PARM1: variants seen among roughly 807,000 people sequenced by gnomAD.
PARM1 encodes the protein WSC4, cell wall integrity and stress response component 4 homolog.
Under a neutral mutation model 24.6 loss-of-function variants are expected in PARM1, and 14 were observed. The observed-to-expected ratio is 0.57, with a 90% CI of 0.38 to 0.89. The LOEUF is 0.89. Among genes scored for constraint, PARM1 ranks in the 40% least tolerant of loss-of-function variants. The probability of loss-of-function intolerance (pLI) is 0.00; values close to 1 mark genes in which losing one functional copy is unlikely to be tolerated. For synonymous variants in PARM1, 179 were observed against 156.6 expected, an observed-to-expected ratio of 1.14 and a Z score of -1.07; for missense variants, 362 against 380.4, an observed-to-expected ratio of 0.95 and a Z score of 0.40.
At chr4:75,037,905 CA>C (rs1433482669) in intron 3 of PARM1, among the ~76,000 whole-genome samples, 1 of 152,182 alleles carries the variant, frequency 6.6e-6, no homozygotes, top group Non-Finnish European at 1.5e-5. Flanking sequence ...TGACTAAGAA[CA>C]TGCACTCTGG....
chr4:75,021,008 A>G (rs1723080288), intron 2 of PARM1, among the ~76,000 whole-genome samples: 1 of 152,116 alleles, frequency 6.6e-6, no homozygotes, highest in Admixed American at 6.5e-5. Context: ...CATTGTCTTC[A>G]CTGCTTTTAA....
At chr4:74,956,280 C>G (rs1721631901) in intron 1 of PARM1, 1 of 152,198 alleles carries the variant, frequency 6.6e-6, no homozygotes, top group Admixed American at 6.5e-5. Flanking sequence ...CCACAGCTGT[C>G]TCTGCAGTGT....
chr4:75,036,190 G>A (rs1464700638), intron 3 of PARM1, among the ~76,000 whole-genome samples: 1 of 152,206 alleles, frequency 6.6e-6, no homozygotes, highest in African/African-American at 2.4e-5. Flanking sequence ...GAAGTGTGGA[G>A]TGAAATAGAA....
chr4:74,935,602 T>C (rs1355940752), intron 1 of PARM1, among the ~76,000 whole-genome samples: 1 of 152,208 alleles, frequency 6.6e-6, no homozygotes, highest in Non-Finnish European at 1.5e-5. Context: ...TTCTGTTTCC[T>C]TCTCATTTTC....
At chr4:75,017,628 C>T (rs1723012252) in intron 2 of PARM1, among the ~76,000 whole-genome samples, 1 of 152,146 alleles carries the variant, frequency 6.6e-6, no homozygotes, top group African/African-American at 2.4e-5. Flanking sequence ...CTGACATCAT[C>T]TGATTTATTT....
At chr4:75,001,593 C>G (rs533069104) in intron 1 of PARM1, among the ~76,000 whole-genome samples, 1 of 152,056 alleles carries the variant, frequency 6.6e-6, no homozygotes, top group Non-Finnish European at 1.5e-5. Flanking sequence ...ACAATTAAGA[C>G]GTGTGCATTT....
At chr4:74,964,081 A>G (rs1255816760) in intron 1 of PARM1, among the ~76,000 whole-genome samples, 1 of 152,190 alleles carries the variant, frequency 6.6e-6, no homozygotes, top group Non-Finnish European at 1.5e-5. Flanking sequence ...TTGAGTGGAC[A>G]CTGAAAGTTT....
At chr4:74,988,759 A>G (rs939552862) in intron 1 of PARM1, among the ~76,000 whole-genome samples, 2 of 152,242 alleles carry the variant, frequency 1.3e-5, no homozygotes, top group Non-Finnish European at 1.5e-5. Flanking sequence ...AGGAGTTGGC[A>G]TGCTAGAGTT....
chr4:74,947,981 G>A (rs1721441148), intron 1 of PARM1, among the ~76,000 whole-genome samples: 1 of 152,172 alleles, frequency 6.6e-6, no homozygotes, highest in African/African-American at 2.4e-5. Flanking sequence ...ACTCTTGTTT[G>A]GAAAGTCTTC....
intron 3 of PARM1, among the ~76,000 whole-genome samples, chr4:75,034,458 A>G (rs1560799178): frequency 6.6e-6 from 1 of 152,246 alleles, no homozygotes; most frequent in Non-Finnish European, 1.5e-5. Flanking sequence ...GGCATTTCCT[A>G]TAAAACCGTT....
intron 1 of PARM1, among the ~76,000 whole-genome samples, chr4:74,995,737 G>A (rs1019650644): frequency 6.6e-6 from 1 of 152,128 alleles, no homozygotes; most frequent in Non-Finnish European, 1.5e-5. Flanking sequence ...CCAGAACAGT[G>A]TCCTCTCCGC....
chr4:75,042,849 G>C (rs1723523995), intron 3 of PARM1, among the ~76,000 whole-genome samples: 1 of 151,566 alleles, frequency 6.6e-6, no homozygotes, highest in Non-Finnish European at 1.5e-5. Flanking sequence ...AAGCCCTATG[G>C]GTTCAGTACA....
At chr4:74,976,953 G>T (rs944742089) in intron 1 of PARM1, among the ~76,000 whole-genome samples, 1 of 152,132 alleles carries the variant, frequency 6.6e-6, no homozygotes, top group Non-Finnish European at 1.5e-5. Context: ...CCTATCCAAA[G>T]GTCATCAGCC....
chr4:74,963,255 T>C (rs1468297074), intron 1 of PARM1, among the ~76,000 whole-genome samples: 2 of 152,238 alleles, frequency 1.3e-5, no homozygotes, highest in Admixed American at 6.5e-5. Context: ...AATTTTATCT[T>C]ACATGGATTT....
Position 75,006,055 on chromosome 4 carries a change from T to C in PARM1, c.44-6370T>C, listed in dbSNP as rs959321023. ...TAATGGGTTCAGTTTCTTCATCATA[T>C]CTTCTCAAGGAAATACTAATACTAA... On this transcript the variant is annotated intron_variant, in intron 1 of 3. Coordinates refer to ENST00000307428, the MANE Select transcript of PARM1 (RefSeq NM_015393.4). Among the ~76,000 whole-genome samples, 6 of 152,218 alleles carry C rather than the reference T, an allele frequency of 3.9e-5. No homozygotes were observed. The South Asian group carries it at 8.3e-4, about 21-fold the overall frequency.
intron 1 of PARM1, among the ~76,000 whole-genome samples, chr4:75,008,180 CA>C (rs1722808284): frequency 6.6e-6 from 1 of 152,182 alleles, no homozygotes; most frequent in Non-Finnish European, 1.5e-5. Context: ...TCTAAAGCCT[CA>C]TTCAAATGAA....
intron 1 of PARM1, among the ~76,000 whole-genome samples, chr4:74,991,856 A>T (rs1722479520): frequency 1.3e-5 from 2 of 152,292 alleles, no homozygotes; most frequent in South Asian, 4.1e-4. Context: ...AAAGTTCAAG[A>T]ACAGTAAAAG....
intron 1 of PARM1, among the ~76,000 whole-genome samples, chr4:74,947,626 T>C (rs1721435570): frequency 6.6e-6 from 1 of 152,232 alleles, no homozygotes; most frequent in Non-Finnish European, 1.5e-5. Flanking sequence ...CCTTATATTT[T>C]AGAGATACAT....
At chr4:74,971,361 C>T (rs1194670760) in intron 1 of PARM1, among the ~76,000 whole-genome samples, 2 of 152,174 alleles carry the variant, frequency 1.3e-5, no homozygotes, top group Admixed American at 6.5e-5. Flanking sequence ...AATTACCTCT[C>T]ACCTGGTCCC....
Sources: allele counts gnomAD v4.1 joint callset (sites outside exome capture counted in the v4.1 genomes callset), GRCh38; gene constraint gnomAD v4.1.1; transcripts MANE v1.5; gene names NCBI Gene and HGNC (gene_info 2026-07-23, HGNC 2026-07-21).